GABRB3: variants seen among roughly 807,000 people sequenced by gnomAD.
The protein encoded by GABRB3 is gamma-aminobutyric acid receptor subunit beta-3.
A neutral mutation model predicts 52.1 loss-of-function variants in GABRB3; 14 were observed. The observed-to-expected ratio is 0.27, with a 90% CI of 0.18 to 0.42. GABRB3 has a LOEUF of 0.42. Ranked by LOEUF, GABRB3 falls within the 10% of genes least tolerant of loss-of-function variation. GABRB3 has a pLI of 1.00. For synonymous variants in GABRB3, 260 were observed against 232.3 expected (o/e 1.12, Z -1.08); for missense variants, 307 against 609.1 (o/e 0.50, Z 5.22).
chr15:26,714,261 A>G (rs1036935510), intron 3 of GABRB3, among the ~76,000 whole-genome samples: 4 of 152,226 alleles, frequency 2.6e-5, no homozygotes, highest in Non-Finnish European at 5.9e-5. Flanking sequence ...TGCTTGACAC[A>G]GTGCCTGAAC....
intron 3 of GABRB3, among the ~76,000 whole-genome samples, chr15:26,741,459 C>T (rs1890205304): frequency 6.6e-6 from 1 of 152,164 alleles, no homozygotes; most frequent in African/African-American, 2.4e-5. Flanking sequence ...ACTTCATCTC[C>T]CTGACACCTC....
upstream of GABRB3, chr15:26,773,596 C>T: frequency 6.8e-7 from 1 of 1,470,268 alleles, no homozygotes; most frequent in Non-Finnish European, 9.3e-7. Flanking sequence ...GACTGCGGGC[C>T]GCCGCCTCCC....
intron 3 of GABRB3, among the ~76,000 whole-genome samples, chr15:26,689,429 G>C (rs1008138572): frequency 3.3e-5 from 5 of 152,154 alleles, no homozygotes; most frequent in African/African-American, 1.2e-4. Flanking sequence ...CCAGGAAGGG[G>C]CAAAAGGAAC....
At position 26,772,180 on chromosome 15, in the gene GABRB3, G is replaced by A. The variant is rs1021212633; in HGVS notation, c.240+222C>T. 6 of 469,240 alleles carry A rather than the reference G, an allele frequency of 1.3e-5. No individual in the cohort carries two copies. The East Asian group carries it at 2.3e-4, about 18-fold the overall frequency. 29.1% of individuals were successfully genotyped at this position (469,240 alleles called of 1,614,324 possible). Reference sequence around the variant, plus strand: ...CGGCCAGGACTCCCCCGCAGGAAGGGTGCGCCCTCGCGGCTCCGACGCCAG... The same window carrying A: ...CGGCCAGGACTCCCCCGCAGGAAGGATGCGCCCTCGCGGCTCCGACGCCAG... On this transcript the variant is annotated intron_variant, in intron 3 of 8. Coordinates refer to ENST00000311550, the MANE Select transcript of GABRB3 (RefSeq NM_000814.6).
chr15:26,757,866 T>A (rs1157461289), intron 3 of GABRB3, among the ~76,000 whole-genome samples: 1 of 152,162 alleles, frequency 6.6e-6, no homozygotes, highest in East Asian at 1.9e-4. Context: ...CCTGTTAGAG[T>A]AAGTGTAAAT....
intron 3 of GABRB3, among the ~76,000 whole-genome samples, chr15:26,691,800 C>T (rs984207867): frequency 3.3e-5 from 5 of 151,716 alleles, no homozygotes; most frequent in Non-Finnish European, 5.9e-5. Flanking sequence ...GAAAGAAAGG[C>T]CTTGCTAGTA....
intron 3 of GABRB3, among the ~76,000 whole-genome samples, chr15:26,711,650 C>G (rs17117282): frequency 0.066 from 10,100 of 152,174 alleles, 352 homozygotes; most frequent in Non-Finnish European, 0.086. Flanking sequence ...CAGGACACGT[C>G]AGAGTAAGCC....
intron 3 of GABRB3, among the ~76,000 whole-genome samples, chr15:26,670,575 G>A (rs988688357): frequency 3.9e-5 from 6 of 152,192 alleles, no homozygotes; most frequent in Non-Finnish European, 8.8e-5. Flanking sequence ...GCCGTCACAG[G>A]AGCCCGCTCC....
At chr15:26,678,718 A>T (rs1440337888) in intron 3 of GABRB3, among the ~76,000 whole-genome samples, 1 of 152,128 alleles carries the variant, frequency 6.6e-6, no homozygotes, top group East Asian at 1.9e-4. Flanking sequence ...CCCACCCAGG[A>T]AGGTGAGTTC....
chr15:26,716,403 C>T (rs1275126025), intron 3 of GABRB3, among the ~76,000 whole-genome samples: 1 of 152,204 alleles, frequency 6.6e-6, no homozygotes, highest in Non-Finnish European at 1.5e-5. Flanking sequence ...TTGTGTCATA[C>T]CACAGCACAT....
chr15:26,649,858 A>C (rs1887142859), intron 3 of GABRB3, among the ~76,000 whole-genome samples: 1 of 152,116 alleles, frequency 6.6e-6, no homozygotes, highest in Admixed American at 6.5e-5. Context: ...TGAGTTTTTA[A>C]TTTCAGTCTT....
intron 3 of GABRB3, chr15:26,772,070 C>G: frequency 3.6e-6 from 1 of 276,760 alleles, no homozygotes; most frequent in Non-Finnish European, 6.6e-6. Context: ...GGAGGCGAGA[C>G]AGCGCTCGGG....
intron 3 of GABRB3, among the ~76,000 whole-genome samples, chr15:26,723,271 T>C (rs968913430): frequency 6.6e-6 from 1 of 152,240 alleles, no homozygotes; most frequent in Non-Finnish European, 1.5e-5. Context: ...GTTATACCCA[T>C]CTTTTAACTT....
intron 3 of GABRB3, among the ~76,000 whole-genome samples, chr15:26,648,032 T>A (rs925019349): frequency 1.1e-4 from 16 of 152,326 alleles, no homozygotes; most frequent in African/African-American, 3.8e-4. Flanking sequence ...CTGTAAGTGT[T>A]CAGTTCAGCA....
chr15:26,677,230 G>A (rs982361), intron 3 of GABRB3, among the ~76,000 whole-genome samples: 74,822 of 152,000 alleles, frequency 0.49, 21,177 homozygotes, highest in Admixed American at 0.63. Flanking sequence ...CCCCAAATAC[G>A]TTCCCTATTA....
chr15:26,551,571 C>T (rs923106665), intron 8 of GABRB3, among the ~76,000 whole-genome samples: 10 of 152,210 alleles, frequency 6.6e-5, no homozygotes, highest in Non-Finnish European at 1.0e-4. Context: ...AATCCCACCC[C>T]GGCCCATGCA....
intron 5 of GABRB3, among the ~76,000 whole-genome samples, chr15:26,581,580 A>G (rs3909671): frequency 0.14 from 21,682 of 152,220 alleles, 1,969 homozygotes; most frequent in Non-Finnish European, 0.19. Context: ...CTGGGCCTTC[A>G]TCCCTCCTTT....
At position 26,771,706 on chromosome 15, in the gene GABRB3, C is replaced by T. The variant is rs562513679; in HGVS notation, c.240+696G>A. On this transcript the variant is annotated intron_variant, in intron 3 of 8. Transcript: ENST00000311550. ...AGGTCAGAATATTGAATCCAGTCTG[C>T]ATTCACAGAAGACCTAAGTGACACT... 2.0e-5 allele frequency: 3 copies of T among 152,370 alleles called. No individual in the cohort carries two copies. The East Asian group carries it at 5.8e-4, about 30-fold the overall frequency. 9.4% of individuals were successfully genotyped at this position (152,370 alleles called of 1,614,324 possible). A position where few individuals can be genotyped will look rare whatever the true frequency, so the allele number is the denominator to read the frequency against.
chr15:26,636,745 G>A (rs867034710), intron 3 of GABRB3, among the ~76,000 whole-genome samples: 4 of 152,154 alleles, frequency 2.6e-5, no homozygotes, highest in South Asian at 2.1e-4. Flanking sequence ...TTCACACAAC[G>A]GCATTCTCTC....
Sources: allele counts gnomAD v4.1 joint callset (sites outside exome capture counted in the v4.1 genomes callset), GRCh38; gene constraint gnomAD v4.1.1; transcripts MANE v1.5; gene names NCBI Gene and HGNC (gene_info 2026-07-23, HGNC 2026-07-21).